RBFOX1: variants seen among roughly 807,000 people sequenced by gnomAD.
RBFOX1 encodes the protein RNA binding fox-1 homolog 1, also known as RNA binding protein fox-1 homolog 1.
Under a neutral mutation model 57.7 loss-of-function variants are expected in RBFOX1, and 8 were observed. The ratio of observed to expected loss-of-function variants is 0.14; its 90% confidence interval spans 0.08 to 0.25. RBFOX1 has a LOEUF of 0.25. Ranked by LOEUF, RBFOX1 falls within the 10% of genes least tolerant of loss-of-function variation. The pLI is 1.00. For missense variants in RBFOX1, 611 were observed against 548.5 expected (o/e 1.11, Z -1.14); for synonymous variants, 326 against 222.4 (o/e 1.47, Z -4.15).
intron 3 of RBFOX1, among the ~76,000 whole-genome samples, chr16:6,861,926 C>T (rs2142657361): frequency 6.9e-6 from 1 of 145,098 alleles, no homozygotes; most frequent in East Asian, 2.1e-4. Flanking sequence ...CTGGCACTGG[C>T]AGGGGGTCTG....
chr16:6,876,762 C>G (rs983469922), intron 3 of RBFOX1, among the ~76,000 whole-genome samples: 5 of 152,048 alleles, frequency 3.3e-5, no homozygotes, highest in African/African-American at 1.2e-4. Context: ...TGTGCTTTTT[C>G]TTATTTATAT....
chr16:6,358,982 T>A (rs1568012089), intron 2 of RBFOX1, among the ~76,000 whole-genome samples: 1 of 152,216 alleles, frequency 6.6e-6, no homozygotes, highest in East Asian at 1.9e-4. Context: ...TGTCGGCGCC[T>A]ATAGAAGGTA....
intron 3 of RBFOX1, among the ~76,000 whole-genome samples, chr16:6,957,714 C>G (rs897807644): frequency 6.6e-6 from 1 of 152,134 alleles, no homozygotes; most frequent in Non-Finnish European, 1.5e-5. Flanking sequence ...CAGGTCTCAG[C>G]GTCATTTTAC....
rs188913868 is a variant in RBFOX1, at chr16:7,695,308, G to A, written c.996-13748G>A. Among the ~76,000 whole-genome samples, 555 of 152,246 alleles carry A rather than the reference G, an allele frequency of 3.6e-3. 4 individuals are homozygous for A. Among genetic ancestry groups the A allele is most frequent in the Non-Finnish European group, 4.2e-3 (284 of 68,024 alleles). On this transcript the variant is annotated intron_variant, in intron 14 of 15. Transcript: ENST00000550418. ...AGCAAGTTCACCTTGCTCATAGAGC[G>A]AAAATGAAAAATCAAAACTGCTCAG...
chr16:6,237,713 C>T (rs577638079), intron 1 of RBFOX1, among the ~76,000 whole-genome samples: 2 of 151,768 alleles, frequency 1.3e-5, no homozygotes, highest in African/African-American at 4.8e-5. Context: ...TACACTCCAG[C>T]CTGGGCGACA....
At chr16:6,198,386 C>A (rs1326956279) in intron 1 of RBFOX1, among the ~76,000 whole-genome samples, 1 of 152,182 alleles carries the variant, frequency 6.6e-6, no homozygotes, top group Non-Finnish European at 1.5e-5. Context: ...CAGCATATTA[C>A]ATGTTTTGTC....
chr16:5,354,950 G>A (rs916500778), intron 1 of RBFOX1, among the ~76,000 whole-genome samples: 6 of 152,104 alleles, frequency 3.9e-5, no homozygotes, highest in Admixed American at 1.3e-4. Context: ...TAAGGGTCCC[G>A]TGGCTTGGTT....
chr16:5,554,031 G>A (rs963701047), intron 2 of RBFOX1, among the ~76,000 whole-genome samples: 2 of 149,458 alleles, frequency 1.3e-5, no homozygotes, highest in African/African-American at 4.9e-5. Context: ...GTGCAGTGGC[G>A]TGATCTCAGC....
intron 6 of RBFOX1, among the ~76,000 whole-genome samples, chr16:7,583,332 G>A (rs1474578135): frequency 6.6e-6 from 1 of 152,026 alleles, no homozygotes; most frequent in African/African-American, 2.4e-5. Context: ...TTTTATAGGT[G>A]GCTACTTTTT....
chr16:6,761,570 C>G (rs887887244), intron 3 of RBFOX1, among the ~76,000 whole-genome samples: 1 of 117,090 alleles, frequency 8.5e-6, no homozygotes, highest in Non-Finnish European at 1.6e-5. Context: ...TGCAGTGGTG[C>G]GATCTCGGTT....
intron 2 of RBFOX1, among the ~76,000 whole-genome samples, chr16:5,543,086 C>G (rs1415137067): frequency 6.6e-6 from 1 of 152,102 alleles, no homozygotes; most frequent in Non-Finnish European, 1.5e-5. Context: ...TCCCAGCTGA[C>G]AAATCTTAAA....
chr16:6,722,181 G>C (rs749147083), intron 3 of RBFOX1, among the ~76,000 whole-genome samples: 1 of 152,196 alleles, frequency 6.6e-6, no homozygotes. Context: ...GGAATTACCA[G>C]ATCATGTGAT....
chr16:6,619,941 T>A (rs1427413053), intron 2 of RBFOX1, among the ~76,000 whole-genome samples: 1 of 152,152 alleles, frequency 6.6e-6, no homozygotes, highest in Non-Finnish European at 1.5e-5. Flanking sequence ...GTCCCAGTTT[T>A]AAGTGAGAAC....
intron 2 of RBFOX1, among the ~76,000 whole-genome samples, chr16:6,426,465 G>A (rs1483550536): frequency 1.3e-5 from 2 of 152,058 alleles, no homozygotes; most frequent in African/African-American, 4.8e-5. Flanking sequence ...GGTAGGTTTT[G>A]AAAGAAAGGA....
At chr16:6,999,252 C>G (rs961111767) in intron 3 of RBFOX1, among the ~76,000 whole-genome samples, 11 of 100,224 alleles carry the variant, frequency 1.1e-4, no homozygotes, top group Admixed American at 1.1e-3. Flanking sequence ...GAGATCAGGT[C>G]TCACTTGTTG....
chr16:6,321,541 A>G (rs2081792777), intron 2 of RBFOX1, among the ~76,000 whole-genome samples: 1 of 152,238 alleles, frequency 6.6e-6, no homozygotes, highest in African/African-American at 2.4e-5. Context: ...ACAATGCCAC[A>G]GCATTCATCT....
At chr16:7,339,145 C>T (rs2096846557) in intron 4 of RBFOX1, among the ~76,000 whole-genome samples, 1 of 152,134 alleles carries the variant, frequency 6.6e-6, no homozygotes, top group Non-Finnish European at 1.5e-5. Flanking sequence ...TGAGGCTTGT[C>T]AATTAACCTC....
intron 2 of RBFOX1, among the ~76,000 whole-genome samples, chr16:6,614,985 G>T (rs535944811): frequency 6.6e-6 from 1 of 152,132 alleles, no homozygotes; most frequent in African/African-American, 2.4e-5. Context: ...ATTACCAGTC[G>T]AATTGTTTTG....
At chr16:5,998,111 A>G (rs1376188072) in intron 4 of RBFOX1, among the ~76,000 whole-genome samples, 2 of 152,196 alleles carry the variant, frequency 1.3e-5, no homozygotes, top group African/African-American at 2.4e-5. Context: ...GTCCCTGTAC[A>G]GCAGAGTTTC....
Sources: allele counts gnomAD v4.1 joint callset (sites outside exome capture counted in the v4.1 genomes callset), GRCh38; gene constraint gnomAD v4.1.1; transcripts MANE v1.5; gene names NCBI Gene and HGNC (gene_info 2026-07-23, HGNC 2026-07-21).